Variants in AMPH observed in about 807,000 individuals in gnomAD.
AMPH encodes the protein amphiphysin (Stiff-Mann syndrome with breast cancer 128kD autoantigen).
Under a neutral mutation model 99.1 loss-of-function variants are expected in AMPH, and 49 were observed. The observed-to-expected ratio is 0.49, with a 90% CI of 0.39 to 0.63. The LOEUF is 0.63. AMPH is among the 20% of genes least tolerant of loss of function. The probability of loss-of-function intolerance (pLI) is 0.00; values close to 1 mark genes in which losing one functional copy is unlikely to be tolerated. For missense variants in AMPH, 759 were observed against 863.4 expected, an observed-to-expected ratio of 0.88 and a Z score of 1.52; for synonymous variants, 314 against 317.3, an observed-to-expected ratio of 0.99 and a Z score of 0.11.
chr7:38,585,756 A>G (rs768740684), intron 1 of AMPH, among the ~76,000 whole-genome samples: 3 of 152,222 alleles, frequency 2.0e-5, no homozygotes, highest in African/African-American at 7.2e-5. Context: ...CTATTTTTGA[A>G]ACATTTTTCA....
intron 1 of AMPH, among the ~76,000 whole-genome samples, chr7:38,559,535 A>C (rs1041334492): frequency 2.0e-5 from 3 of 152,212 alleles, no homozygotes; most frequent in African/African-American, 7.2e-5. Flanking sequence ...TATAGAAACA[A>C]ATGGAAGTTC....
chr7:38,392,377 CTTTTTTTTT>C (rs574057389), intron 18 of AMPH, among the ~76,000 whole-genome samples: 7 of 42,030 alleles, frequency 1.7e-4, no homozygotes, highest in Non-Finnish European at 1.2e-4. Flanking sequence ...CGGCCTGGTT[CTTTTTTTTT>C]TTTTTTTTTT....
intron 7 of AMPH, among the ~76,000 whole-genome samples, chr7:38,471,295 T>C (rs1014571): frequency 0.99 from 150,640 of 152,302 alleles, 74,503 homozygotes; most frequent in East Asian, 1. Context: ...TAAATGGTGG[T>C]TTTACTTATT....
chr7:38,521,126 G>GAATACAGAAAAATTCCA (rs11271557), intron 2 of AMPH, among the ~76,000 whole-genome samples: 92,545 of 151,974 alleles, frequency 0.61, 28,758 homozygotes, highest in African/African-American at 0.74. Flanking sequence ...AGTGGGCACT[G>GAATACAGAAAAATTCCA]AACAAGTAGA....
chr7:38,591,345 T>C (rs574585298), intron 1 of AMPH, among the ~76,000 whole-genome samples: 3 of 149,990 alleles, frequency 2.0e-5, no homozygotes, highest in Non-Finnish European at 4.4e-5. Context: ...TAGAGTGCAA[T>C]GGCATGATCT....
chr7:38,577,755 A>G (rs56265708), intron 1 of AMPH, among the ~76,000 whole-genome samples: 1 of 150,390 alleles, frequency 6.6e-6, no homozygotes, highest in African/African-American at 2.4e-5. Flanking sequence ...GGAAGGAAGA[A>G]AAAAGGAAGG....
chr7:38,544,136 T>C (rs1790910515), intron 1 of AMPH, among the ~76,000 whole-genome samples: 1 of 152,224 alleles, frequency 6.6e-6, no homozygotes, highest in South Asian at 2.1e-4. Context: ...AACCATATCA[T>C]ATTGTCAGGA....
At chr7:38,525,067 G>A (rs1790110906) in intron 2 of AMPH, among the ~76,000 whole-genome samples, 1 of 151,914 alleles carries the variant, frequency 6.6e-6, no homozygotes, top group East Asian at 1.9e-4. Flanking sequence ...GCCTATGAAA[G>A]GGGATATATT....
intron 1 of AMPH, among the ~76,000 whole-genome samples, chr7:38,605,345 A>G (rs1584296343): frequency 2.6e-5 from 4 of 152,282 alleles, no homozygotes; most frequent in African/African-American, 9.6e-5. Flanking sequence ...TGAGACGGAA[A>G]GCATCTCTAG....
chr7:38,603,323 A>G (rs1793320412), intron 1 of AMPH, among the ~76,000 whole-genome samples: 1 of 151,876 alleles, frequency 6.6e-6, no homozygotes, highest in Non-Finnish European at 1.5e-5. Context: ...TCAAAAAAAA[A>G]AAAAAAAAAA....
At chr7:38,600,340 T>C (rs1419721237) in intron 1 of AMPH, among the ~76,000 whole-genome samples, 4 of 152,288 alleles carry the variant, frequency 2.6e-5, no homozygotes, top group Non-Finnish European at 5.9e-5. Context: ...CTCTTTGAGT[T>C]ACCCAGAAAT....
intron 1 of AMPH, among the ~76,000 whole-genome samples, chr7:38,606,304 G>A (rs149208142): frequency 4.6e-5 from 7 of 152,180 alleles, no homozygotes; most frequent in Admixed American, 3.9e-4. Flanking sequence ...TTGTGCAACC[G>A]TCACCACTGT....
chr7:38,398,951 T>C (rs1330483710), intron 17 of AMPH, among the ~76,000 whole-genome samples: 2 of 152,158 alleles, frequency 1.3e-5, no homozygotes, highest in Non-Finnish European at 2.9e-5. Flanking sequence ...TTCCTGACGT[T>C]GTAGGAGCAA....
chr7:38,543,172 G>A (rs1251289897), intron 1 of AMPH, among the ~76,000 whole-genome samples: 1 of 152,056 alleles, frequency 6.6e-6, no homozygotes, highest in African/African-American at 2.4e-5. Context: ...CAGGAGGATT[G>A]CTTGAGCCCA....
intron 1 of AMPH, among the ~76,000 whole-genome samples, chr7:38,607,237 A>G (rs567276967): frequency 3.2e-4 from 48 of 152,306 alleles, no homozygotes; most frequent in Non-Finnish European, 5.7e-4. Context: ...AAATTTCTCA[A>G]TTTCAGTACT....
chr7:38,429,968 G>T, intron 13 of AMPH, 103 bp from the exon 14 acceptor site: 3 of 1,095,552 alleles, frequency 2.7e-6, no homozygotes, highest in Non-Finnish European at 2.6e-6. Context: ...GAAGGCTATA[G>T]CTTTTACTGG....
chr7:38,552,000 A>C (rs1323954690), intron 1 of AMPH, among the ~76,000 whole-genome samples: 1 of 152,236 alleles, frequency 6.6e-6, no homozygotes, highest in Non-Finnish European at 1.5e-5. Context: ...AACTAGTTGG[A>C]AAAACAAAAG....
At chr7:38,389,253 G>A (rs1784425315) in intron 20 of AMPH, among the ~76,000 whole-genome samples, 1 of 152,156 alleles carries the variant, frequency 6.6e-6, no homozygotes, top group African/African-American at 2.4e-5. Context: ...GGAGTTCTCA[G>A]TACCTTACAT....
chr7:38,555,400 G>C (rs2129047218), intron 1 of AMPH, among the ~76,000 whole-genome samples: 1 of 152,208 alleles, frequency 6.6e-6, no homozygotes, highest in East Asian at 1.9e-4. Flanking sequence ...GAGAGACCCT[G>C]TCTTTAAAAA....
Sources: allele counts gnomAD v4.1 joint callset (sites outside exome capture counted in the v4.1 genomes callset), GRCh38; gene constraint gnomAD v4.1.1; transcripts MANE v1.5; gene names NCBI Gene and HGNC (gene_info 2026-07-23, HGNC 2026-07-21).